Variants in SKAP2 observed in about 807,000 individuals in gnomAD.
SKAP2 encodes src kinase associated phosphoprotein 2.
In SKAP2, 28 loss-of-function variants were observed where a neutral mutation model predicts 54.9. The ratio of observed to expected loss-of-function variants is 0.51; its 90% CI spans 0.38 to 0.70. The LOEUF (loss-of-function observed/expected upper bound fraction) is 0.70, where lower values mean the gene tolerates loss of function less well. SKAP2 is among the 30% of genes least tolerant of loss of function. The pLI is 0.00. For synonymous variants in SKAP2, 137 were observed against 134.3 expected, an observed-to-expected ratio of 1.02 and a Z score of -0.14; for missense variants, 356 against 424.1, an observed-to-expected ratio of 0.84 and a Z score of 1.41.
chr7:26,705,510 A>T (rs1351275920), intron 9 of SKAP2, among the ~76,000 whole-genome samples: 1 of 152,216 alleles, frequency 6.6e-6, no homozygotes. Flanking sequence ...GTTTAACTGC[A>T]TGACTTATTT....
chr7:26,837,857 A>C (rs1441568974), intron 4 of SKAP2, among the ~76,000 whole-genome samples: 1 of 152,162 alleles, frequency 6.6e-6, no homozygotes, highest in African/African-American at 2.4e-5. Context: ...AATCAAAAGC[A>C]GCAGAGCAGT....
intron 3 of SKAP2, among the ~76,000 whole-genome samples, chr7:26,852,176 G>T (rs141185125): frequency 6.6e-6 from 1 of 152,248 alleles, no homozygotes; most frequent in Non-Finnish European, 1.5e-5. Context: ...AAGGGAAAAT[G>T]TAAGGTGGAG....
intron 4 of SKAP2, among the ~76,000 whole-genome samples, chr7:26,784,455 G>A (rs1368330830): frequency 6.6e-6 from 1 of 152,152 alleles, no homozygotes; most frequent in Non-Finnish European, 1.5e-5. Context: ...GAAAGCCAGC[G>A]ATAAAATATC....
intron 4 of SKAP2, among the ~76,000 whole-genome samples, chr7:26,812,404 G>A (rs1292211794): frequency 2.6e-5 from 4 of 152,066 alleles, no homozygotes; most frequent in African/African-American, 9.7e-5. Context: ...ATTCACACCA[G>A]TGCACTTTTC....
chr7:26,662,840 T>C (rs576834604), downstream of SKAP2, among the ~76,000 whole-genome samples: 42 of 152,204 alleles, frequency 2.8e-4, no homozygotes, highest in African/African-American at 9.9e-4. Flanking sequence ...GAGGGCACAC[T>C]TGACGTTGTG....
intron 4 of SKAP2, among the ~76,000 whole-genome samples, chr7:26,843,081 T>C (rs1467764306): frequency 6.6e-6 from 1 of 152,058 alleles, no homozygotes; most frequent in Non-Finnish European, 1.5e-5. Context: ...GCAACAGACA[T>C]AATTTTATAC....
chr7:26,722,569 AT>A lies in SKAP2; in HGVS notation c.796+2858del, dbSNP rs575199591. Reference sequence around the variant, plus strand: ...ACCATGCCCGGCTAATTTTTTATTTATTTTTATTTTTTTATTTTTAGTAGAG... The same window carrying A: ...ACCATGCCCGGCTAATTTTTTATTTATTTTATTTTTTTATTTTTAGTAGAG... On this transcript the variant is annotated intron_variant, in intron 9 of 12. Transcript: ENST00000345317. Among the ~76,000 whole-genome samples, 202 of 150,932 alleles carry A rather than the reference AT, an allele frequency of 1.3e-3. 1 individual carries two copies. The highest frequency in any genetic ancestry group is 2.3e-3 in the Non-Finnish European group (156 of 67,622).
At chr7:26,828,054 C>A (rs111513217) in intron 4 of SKAP2, among the ~76,000 whole-genome samples, 17 of 152,262 alleles carry the variant, frequency 1.1e-4, no homozygotes, top group African/African-American at 4.1e-4. Flanking sequence ...AAGCTAACAA[C>A]AGTAACCATT....
At chr7:26,776,100 C>G (rs1242504064) in intron 4 of SKAP2, among the ~76,000 whole-genome samples, 3 of 152,038 alleles carry the variant, frequency 2.0e-5, no homozygotes, top group Non-Finnish European at 4.4e-5. Flanking sequence ...ACTGACTCAT[C>G]TCTCCCCTAA....
intron 6 of SKAP2, among the ~76,000 whole-genome samples, chr7:26,728,546 G>C (rs923611663): frequency 5.9e-5 from 9 of 152,016 alleles, no homozygotes; most frequent in Non-Finnish European, 1.3e-4. Flanking sequence ...AAGCATGGTT[G>C]GTTCTTGTAA....
intron 4 of SKAP2, among the ~76,000 whole-genome samples, chr7:26,819,804 A>C (rs1484922274): frequency 6.6e-6 from 1 of 152,130 alleles, no homozygotes; most frequent in Non-Finnish European, 1.5e-5. Context: ...CACTATCTAT[A>C]TTATATATCT....
At chr7:26,714,193 G>T (rs546351874) in intron 9 of SKAP2, among the ~76,000 whole-genome samples, 26 of 152,266 alleles carry the variant, frequency 1.7e-4, no homozygotes, top group African/African-American at 6.0e-4. Context: ...AGCACGATTA[G>T]GTTGTAGTTC....
chr7:26,703,296 C>A (rs151109281), intron 9 of SKAP2, among the ~76,000 whole-genome samples: 6 of 152,232 alleles, frequency 3.9e-5, no homozygotes, highest in Non-Finnish European at 8.8e-5. Flanking sequence ...AAGCAAAAAA[C>A]TCCCTGCATT....
chr7:26,828,443 C>T (rs769671941), intron 4 of SKAP2, among the ~76,000 whole-genome samples: 1 of 151,542 alleles, frequency 6.6e-6, no homozygotes, highest in Non-Finnish European at 1.5e-5. Flanking sequence ...TTTGGGAGGC[C>T]GAGGCAGGCA....
At chr7:26,725,384 A>G in intron 9 of SKAP2, 44 bp downstream of exon 9, 1 of 1,479,852 alleles carries the variant, frequency 6.8e-7, no homozygotes, top group Non-Finnish European at 9.4e-7. Flanking sequence ...ACACACACAC[A>G]CACAGCCCTA....
intron 4 of SKAP2, among the ~76,000 whole-genome samples, chr7:26,833,552 A>G (rs1020500537): frequency 1.3e-5 from 2 of 152,196 alleles, no homozygotes; most frequent in African/African-American, 2.4e-5. Context: ...GGAAAGCAAT[A>G]AAAAGCAGGG....
chr7:26,845,550 C>A (rs1784904163), intron 3 of SKAP2, among the ~76,000 whole-genome samples: 2 of 152,196 alleles, frequency 1.3e-5, no homozygotes, highest in African/African-American at 2.4e-5. Context: ...ACTACTCATT[C>A]TTTGGAACTT....
intron 6 of SKAP2, among the ~76,000 whole-genome samples, chr7:26,735,946 C>T (rs760681197): frequency 6.6e-6 from 1 of 151,894 alleles, no homozygotes; most frequent in Non-Finnish European, 1.5e-5. Context: ...AAAAGAACCA[C>T]AAGAAACAAA....
intron 9 of SKAP2, among the ~76,000 whole-genome samples, chr7:26,709,422 G>A (rs1440253208): frequency 2.0e-5 from 3 of 152,158 alleles, no homozygotes; most frequent in African/African-American, 7.2e-5. Flanking sequence ...CTAGTACTAG[G>A]AGTGAGCAGC....
Sources: gnomAD v4.1 joint callset for allele counts (sites outside exome capture counted in the v4.1 genomes callset) on GRCh38, gnomAD v4.1.1 for gene constraint, MANE v1.5 for transcripts, NCBI Gene and HGNC (gene_info 2026-07-23, HGNC 2026-07-21) for gene names.